Variants in ZNF426 observed in about 807,000 individuals in gnomAD.
The protein encoded by ZNF426 is zinc finger protein 426.
In ZNF426, 23 loss-of-function variants were observed where a neutral mutation model predicts 24.0. That is an observed-to-expected ratio of 0.96 (90% CI 0.69 to 1.36). The LOEUF is 1.36. ZNF426 is among the 40% of genes most tolerant of loss of function. The probability of loss-of-function intolerance (pLI) is 0.00; values close to 1 mark genes in which losing one functional copy is unlikely to be tolerated. For missense variants in ZNF426, 646 were observed against 658.4 expected (o/e 0.98, Z 0.21); for synonymous variants, 272 against 224.6 (o/e 1.21, Z -1.89).
intron 4 of ZNF426, 41 bp from the exon 5 acceptor site, chr19:9,534,007 G>A (rs1329781822): frequency 6.2e-7 from 1 of 1,602,562 alleles, no homozygotes; most frequent in South Asian, 1.1e-5. Context: ...CAAGTAACAA[G>A]CCCATCAGCG....
Position 9,528,193 on chromosome 19 carries a change from G to A in ZNF426, c.*187C>T. On this transcript the variant is annotated 3_prime_UTR_variant, in exon 8 of 8. Transcript: ENST00000253115. ...AGTAGAGACAAGGTTTCACCATGTT[G>A]GCCAGGGTGGTCTCAAACTCCTGAC... The A allele has an allele frequency of 8.6e-6, 5 of 579,314 alleles. No homozygotes were observed. The highest frequency in any genetic ancestry group is 3.1e-5 in the East Asian group (1 of 32,664). The allele number at this position is 579,314 out of a possible 1,614,324, so 35.9% of individuals were successfully genotyped here. A position where few individuals can be genotyped will look rare whatever the true frequency, so the allele number is the denominator to read the frequency against.
chr19:9,529,894 G>A (rs77979585), intron 7 of ZNF426, among the ~76,000 whole-genome samples: 2 of 151,914 alleles, frequency 1.3e-5, no homozygotes, highest in African/African-American at 2.4e-5. Context: ...CCGATGGGGG[G>A]CAGATCACCT....
chr19:9,532,068 G>C (rs1050305399), intron 6 of ZNF426, among the ~76,000 whole-genome samples: 2 of 152,086 alleles, frequency 1.3e-5, no homozygotes, highest in Non-Finnish European at 1.5e-5. Context: ...ATCATGGCTA[G>C]TTCTGAACCC....
chr19:9,524,492 G>A lies in ZNF426; in HGVS notation c.*3888C>T, dbSNP rs1599702930. On this transcript the variant is annotated 3_prime_UTR_variant, in exon 8 of 8. Coordinates refer to ENST00000253115, the MANE Select transcript of ZNF426 (RefSeq NM_024106.3). ...GACATGGAAAGGGACTGTAAGAATT[G>A]AAGAACTGGCTGGGCGTGATGGCTC... 1.3e-5 allele frequency: 2 copies of A among 152,184 alleles called. No individual in the cohort carries two copies. The highest frequency in any genetic ancestry group is 2.9e-5 in the Non-Finnish European group (2 of 68,044). 9.4% of individuals were successfully genotyped at this position (152,184 alleles called of 1,614,324 possible).
chr19:9,525,491 G>GTTT lies in ZNF426; in HGVS notation c.*2888_*2889insAAA, dbSNP rs2073783407. On this transcript the variant is annotated 3_prime_UTR_variant, in exon 8 of 8. Coordinates refer to ENST00000253115, the MANE Select transcript of ZNF426 (RefSeq NM_024106.3). ...ATGATGGGTTTTTGTTGTTGTTGTTGTTGTTGTTGTTTTGAGACAGAGTCT... is the reference window on the plus strand; with the variant it reads ...ATGATGGGTTTTTGTTGTTGTTGTTGTTTTTGTTGTTGTTTTGAGACAGAGTCT... 6.6e-6 allele frequency: 1 copy of GTTT among 152,224 alleles called. No individual in the cohort carries two copies. The highest frequency in any genetic ancestry group is 2.4e-5 in the African/African-American group (1 of 41,280). The allele number at this position is 152,224 out of a possible 1,614,324, so 9.4% of individuals were successfully genotyped here.
intron 6 of ZNF426, 46 bp downstream of exon 6, chr19:9,532,799 A>T (rs370025107): frequency 6.9e-7 from 1 of 1,441,726 alleles, no homozygotes; most frequent in Non-Finnish European, 9.7e-7. Context: ...GCTTTCAAAC[A>T]TACTGAACTT....
At position 9,525,180 on chromosome 19, in the gene ZNF426, C is replaced by A. The variant is rs1392343151; in HGVS notation, c.*3200G>T. 4 of 150,070 alleles carry A rather than the reference C, an allele frequency of 2.7e-5. No homozygotes were observed. Among genetic ancestry groups the A allele is most frequent in the South Asian group, 2.1e-4 (1 of 4,726 alleles). The allele number at this position is 150,070 out of a possible 1,614,324, so 9.3% of individuals were successfully genotyped here. On this transcript the variant is annotated 3_prime_UTR_variant, in exon 8 of 8. Coordinates refer to ENST00000253115, the MANE Select transcript of ZNF426 (RefSeq NM_024106.3). ...AGGAGAATGGCGTGAACCCGGGAGG[C>A]GGAGCTTGCAGTGAGCCGAGATCGC...
At position 9,533,909 on chromosome 19, in the gene ZNF426, G is replaced by A. The variant is rs760001019; in HGVS notation, c.175C>T (p.Leu59=). 1 of 1,614,136 alleles carries A rather than the reference G, an allele frequency of 6.2e-7. No homozygotes were observed. The highest frequency in any genetic ancestry group is 1.1e-5 in the South Asian group (1 of 91,078). ...TAGAGGCTTCTCTGAGTTGAGTCCA[G>A]TAAAGTCCACTCCTCCTGGGTGAAG... ...VDFTQEEWTL[L]DSTQRSLYSD... is the part of the protein sequence containing the mutation. Residue 59 remains leucine, a synonymous_variant, in exon 5 of 8, where the codon CTG becomes TTG. Coordinates refer to ENST00000253115, the MANE Select transcript of ZNF426 (RefSeq NM_024106.3).
chr19:9,526,001 G>T lies in ZNF426; in HGVS notation c.*2379C>A. The T allele has an allele frequency of 6.6e-6, 1 of 152,152 alleles. No homozygotes were observed. The allele number at this position is 152,152 out of a possible 1,614,324, so 9.4% of individuals were successfully genotyped here. A position where few individuals can be genotyped will look rare whatever the true frequency, so the allele number is the denominator to read the frequency against. On this transcript the variant is annotated 3_prime_UTR_variant, in exon 8 of 8. Transcript: ENST00000253115. ...CACCACACCTGGAGTTTTAGTCAGAGCTTCAGTGACCTGGAGGAAGGGAAA... is the reference window on the plus strand; with the variant it reads ...CACCACACCTGGAGTTTTAGTCAGATCTTCAGTGACCTGGAGGAAGGGAAA...
Position 9,530,931 on chromosome 19 carries a change from A to G in ZNF426, c.408+54T>C. 4.1e-6 allele frequency: 6 copies of G among 1,450,686 alleles called. No homozygotes were observed. The South Asian group carries it at 6.9e-5, about 17-fold the overall frequency. The allele number at this position is 1,450,686 out of a possible 1,614,324, so 89.9% of individuals were successfully genotyped here. ...ATTTTTGCTGACTTCCCATAACAGA[A>G]TTCCTGATTTTCTCTGAGGGTGGAA... On this transcript the variant is annotated intron_variant, in intron 7 of 7. Coordinates refer to ENST00000253115, the MANE Select transcript of ZNF426 (RefSeq NM_024106.3).
Position 9,528,769 on chromosome 19 carries a change from C to T in ZNF426, c.1276G>A (p.Gly426Arg). The T allele has an allele frequency of 6.2e-7, 1 of 1,614,084 alleles. No homozygotes were observed. The highest frequency in any genetic ancestry group is 8.5e-7 in the Non-Finnish European group (1 of 1,180,014). ...EEKACECKIC[G>R]KVFGYPSCLN... ...CATGAGGGATACCCAAATACTTTCCCACATATCTTACACTCACAGGCCTTC... is the reference window on the plus strand; with the variant it reads ...CATGAGGGATACCCAAATACTTTCCTACATATCTTACACTCACAGGCCTTC... Residue 426 changes from glycine (G) to arginine (R), a missense_variant, in exon 8 of 8, where the codon GGG (glycine) becomes AGG (arginine). Transcript: ENST00000253115.
rs2073783735 is a variant in ZNF426, at chr19:9,525,528, C to G, written c.*2852G>C. 1 of 152,040 alleles carries G rather than the reference C, an allele frequency of 6.6e-6. No individual in the cohort carries two copies. The highest frequency in any genetic ancestry group is 6.6e-5 in the Admixed American group (1 of 15,198). 9.4% of individuals were successfully genotyped at this position (152,040 alleles called of 1,614,324 possible). A position where few individuals can be genotyped will look rare whatever the true frequency, so the allele number is the denominator to read the frequency against. ...TTGAGACAGAGTCTCACTCTGTCAC[C>G]CAGGCTGGAGTGCAGTGGCGTGATC... On this transcript the variant is annotated 3_prime_UTR_variant, in exon 8 of 8. Transcript: ENST00000253115.
chr19:9,535,131 T>C, intron 4 of ZNF426, 57 bp downstream of exon 4: 1 of 1,357,344 alleles, frequency 7.4e-7, no homozygotes, highest in Non-Finnish European at 1.0e-6. Context: ...GAGGGAAATG[T>C]GTCTACCTGG....
rs148211179 is a variant in ZNF426 at position 9,533,069 on chromosome 19, CCAAA to C, written c.245-148_245-145del. The C allele has an allele frequency of 9.2e-3, 6,225 of 679,606 alleles. 209 individuals are homozygous for C. Among genetic ancestry groups the C allele is most frequent in the African/African-American group, 0.078 (4,356 of 55,580 alleles). 42.1% of individuals were successfully genotyped at this position (679,606 alleles called of 1,614,324 possible). A position where few individuals can be genotyped will look rare whatever the true frequency, so the allele number is the denominator to read the frequency against. The stretch of plus-strand genomic sequence containing the variant: ...TGCAAATAACAACTCTGACTGTGCC[CCAAA>C]CAGTCTGGTTACTTCTGTCCCCTAA... On this transcript the variant is annotated intron_variant, in intron 5 of 7. Coordinates refer to ENST00000253115, the MANE Select transcript of ZNF426 (RefSeq NM_024106.3).
rs1031299690 is a variant in ZNF426 at position 9,535,231 on chromosome 19, GGT to G, written c.72_73del (p.Pro25SerfsTer7). The G allele has an allele frequency of 6.2e-7, 1 of 1,613,508 alleles. No individual in the cohort carries two copies. The highest frequency in any genetic ancestry group is 1.3e-5 in the African/African-American group (1 of 74,876). On this transcript the variant is annotated frameshift_variant, in exon 4 of 8. Transcript: ENST00000253115. LOFTEE classifies it high-confidence loss of function. ...GCAGTCAGCCACTATTCTTCCTGCT[GGT>G]GTCTTTTCTTCATGAAGGCAAACTG...
At position 9,536,142 on chromosome 19, in the gene ZNF426, A is replaced by C. The variant is rs956694769; in HGVS notation, c.25+66T>G. ...AGCAACATGACCAGCTGCCCAAACC[A>C]CTAGACCCTATATTGTGTAAAGGGA... On this transcript the variant is annotated intron_variant, in intron 3 of 7. Coordinates refer to ENST00000253115, the MANE Select transcript of ZNF426 (RefSeq NM_024106.3). 54 of 1,606,144 alleles carry C rather than the reference A, an allele frequency of 3.4e-5. No individual in the cohort carries two copies. In the South Asian group the frequency reaches 5.3e-4, roughly 16 times the overall value.
At chr19:9,532,337 C>A (rs1394252404) in intron 6 of ZNF426, among the ~76,000 whole-genome samples, 6 of 145,316 alleles carry the variant, frequency 4.1e-5, no homozygotes, top group Non-Finnish European at 9.0e-5. Context: ...CACTCTATCA[C>A]CCAGGCTGGA....
intron 2 of ZNF426, among the ~76,000 whole-genome samples, chr19:9,537,513 C>T (rs1463945568): frequency 7.0e-6 from 1 of 143,570 alleles, no homozygotes; most frequent in Non-Finnish European, 1.5e-5. Context: ...TGGTCTTAAA[C>T]TCCTGGGCTC....
chr19:9,531,587 C>T (rs754728831), intron 6 of ZNF426, among the ~76,000 whole-genome samples: 28 of 152,038 alleles, frequency 1.8e-4, no homozygotes, highest in Non-Finnish European at 3.7e-4. Context: ...TAAAACTTTT[C>T]GATCGTTTAT....
Sources: allele counts gnomAD v4.1 joint callset (sites outside exome capture counted in the v4.1 genomes callset), GRCh38; gene constraint gnomAD v4.1.1; transcripts MANE v1.5; gene names NCBI Gene and HGNC (gene_info 2026-07-23, HGNC 2026-07-21).